UNC45B: variants seen among roughly 807,000 people sequenced by gnomAD.
UNC45B encodes the protein protein unc-45 homolog B.
Under a neutral mutation model 98.7 loss-of-function variants are expected in UNC45B, and 78 were observed. The observed-to-expected ratio is 0.79, with a 90% CI of 0.66 to 0.95. UNC45B has a LOEUF of 0.95. Ranked by LOEUF, UNC45B falls within the 40% of genes least tolerant of loss-of-function variation. UNC45B has a pLI of 0.00. For missense variants in UNC45B, 1,225 were observed against 1,184.9 expected (o/e 1.03, Z -0.50); for synonymous variants, 462 against 480.4 (o/e 0.96, Z 0.50).
chr17:35,171,561 T>A (rs2092187352), intron 13 of UNC45B, 99 bp downstream of exon 13: 1 of 1,449,066 alleles, frequency 6.9e-7, no homozygotes, highest in Admixed American at 2.2e-5. Flanking sequence ...TGGCACGGTG[T>A]GTGTTTGGGT....
At chr17:35,157,237 A>T (rs1487845506) in intron 7 of UNC45B, among the ~76,000 whole-genome samples, 3 of 151,590 alleles carry the variant, frequency 2.0e-5, no homozygotes, top group African/African-American at 4.8e-5. Context: ...TTATTTATTT[A>T]TATTTATTTA....
Position 35,164,051 on chromosome 17 carries a change from C to A in UNC45B, c.1036C>A (p.Pro346Thr), listed in dbSNP as rs571014198. ...GGTTCCAGATCTGCCATCCTGCCTG[C>A]CCCTGACTGACAACACCCGCATGCT... ...GQVPDLPSCL[P>T]LTDNTRMLAS... Residue 346 changes from proline (P) to threonine (T), a missense_variant, in exon 9 of 20, where the codon CCC becomes ACC. Coordinates refer to ENST00000394570, the MANE Select transcript of UNC45B (RefSeq NM_001267052.2). The A allele has an allele frequency of 1.1e-5, 17 of 1,613,980 alleles. No homozygotes were observed. The highest frequency in any genetic ancestry group is 9.3e-5 in the African/African-American group (7 of 74,990).
At chr17:35,159,667 A>G in intron 8 of UNC45B, 122 bp downstream of exon 8, 1 of 1,149,994 alleles carries the variant, frequency 8.7e-7, no homozygotes, top group South Asian at 1.6e-5. Context: ...AAAAGATGAG[A>G]AAAGGCATTG....
At position 35,170,095 on chromosome 17, in the gene UNC45B, G is replaced by A; in HGVS notation, c.1548-19G>A. 1.9e-6 allele frequency: 3 copies of A among 1,604,112 alleles called. No individual in the cohort carries two copies. The Middle Eastern group carries it at 5.0e-4, about 267-fold the overall frequency. ...TAGCCCTGGGCCCCTTCCCATGTGT[G>A]CTCCCTCCTCACTTCCAGGTGGCTG... is the stretch of plus-strand genomic sequence containing the variant. On this transcript the variant is annotated intron_variant, in intron 11 of 19. Transcript: ENST00000394570.
chr17:35,186,478 G>A lies in UNC45B; in HGVS notation c.2709G>A (p.Glu903=). The stretch of plus-strand genomic sequence containing the variant: ...TGGTGGGCAAACAGGAGCCAGATGA[G>A]AAGAAGGCAGAAGTGGTTCAGACAG... The part of the protein sequence containing the change: ...LTVVGKQEPD[E]KKAEVVQTAR... Residue 903 remains glutamate, a synonymous_variant, in exon 20 of 20, where the codon GAG becomes GAA. Transcript: ENST00000394570. 1 of 1,614,150 alleles carries A rather than the reference G, an allele frequency of 6.2e-7. No homozygotes were observed. Among genetic ancestry groups the A allele is most frequent in the South Asian group, 1.1e-5 (1 of 91,084 alleles).
intron 17 of UNC45B, 132 bp from the exon 18 acceptor site, chr17:35,180,427 C>T (rs1453212684): frequency 1.4e-6 from 1 of 700,076 alleles, no homozygotes; most frequent in East Asian, 2.7e-5. Context: ...TGTGATGCCA[C>T]ATAAACCATG....
Position 35,171,466 on chromosome 17 carries a change from G to A in UNC45B, c.1830+4G>A. The A allele has an allele frequency of 6.2e-7, 1 of 1,613,860 alleles. No homozygotes were observed. ...TGTGCCCGAGGAACACCCCAAGGTA[G>A]GGTCAGGCGCGACCCGGGAGGGGTC... is the stretch of plus-strand genomic sequence containing the variant. On this transcript the variant is annotated splice_donor_region_variant and intron_variant, in intron 13 of 19. Coordinates refer to ENST00000394570, the MANE Select transcript of UNC45B (RefSeq NM_001267052.2).
chr17:35,185,975 G>A (rs959480131), intron 19 of UNC45B, among the ~76,000 whole-genome samples: 1 of 152,134 alleles, frequency 6.6e-6, no homozygotes, highest in African/African-American at 2.4e-5. Context: ...TTTGCTTTTG[G>A]TGAAGGTCTT....
chr17:35,183,381 C>A (rs756336919), intron 18 of UNC45B, 46 bp from the exon 19 acceptor site: 7 of 1,463,936 alleles, frequency 4.8e-6, no homozygotes, highest in African/African-American at 1.4e-5. Context: ...TCAGGCTGGG[C>A]AGATTGGGGA....
At chr17:35,170,035 G>T in intron 11 of UNC45B, 79 bp from the exon 12 acceptor site, 2 of 1,603,228 alleles carry the variant, frequency 1.2e-6, no homozygotes, top group Non-Finnish European at 1.7e-6. Flanking sequence ...CTCACCCCTG[G>T]TTCACCACCC....
At chr17:35,150,578 C>T (rs926731698) in intron 4 of UNC45B, among the ~76,000 whole-genome samples, 3 of 152,180 alleles carry the variant, frequency 2.0e-5, no homozygotes, top group South Asian at 2.1e-4. Flanking sequence ...GGGGAAACCC[C>T]GTCTCTACTA....
intron 4 of UNC45B, among the ~76,000 whole-genome samples, chr17:35,151,453 G>T (rs911075980): frequency 2.6e-5 from 4 of 152,156 alleles, no homozygotes; most frequent in East Asian, 1.9e-4. Context: ...GCCTCCCAAA[G>T]TGCTGGGATT....
Position 35,186,394 on chromosome 17 carries a change from A to C in UNC45B, c.2625A>C (p.Ala875=). The change falls in exon 20 of 20, where the codon GCA becomes GCC. Residue 875 remains alanine, a synonymous_variant. Transcript: ENST00000394570. ...TGGTCATTGCCTACAACCTACTGGC[A>C]GCCGATGCTGAGCTGGCCAAGAAGC... ...RGLVIAYNLL[A]ADAELAKKLV... is the part of the protein sequence containing the mutation. The C allele has an allele frequency of 6.2e-7, 1 of 1,614,222 alleles. No homozygotes were observed. The highest frequency in any genetic ancestry group is 1.3e-5 in the African/African-American group (1 of 75,058).
chr17:35,156,324 C>T (rs764662772), intron 7 of UNC45B, among the ~76,000 whole-genome samples: 1 of 152,122 alleles, frequency 6.6e-6, no homozygotes, highest in Non-Finnish European at 1.5e-5. Context: ...CTGAACTGAA[C>T]ACTTAAAAAT....
At chr17:35,176,567 C>T (rs1044252562) in intron 15 of UNC45B, among the ~76,000 whole-genome samples, 2 of 152,126 alleles carry the variant, frequency 1.3e-5, no homozygotes, top group African/African-American at 2.4e-5. Flanking sequence ...GTAATCTCAG[C>T]TACTCAGGAA....
intron 13 of UNC45B, among the ~76,000 whole-genome samples, chr17:35,172,716 G>C (rs926247531): frequency 2.0e-5 from 3 of 152,130 alleles, no homozygotes; most frequent in African/African-American, 7.2e-5. Context: ...TTTAACCCTG[G>C]GTTGACTTTG....
At chr17:35,148,687 G>A (rs113897013) in intron 2 of UNC45B, among the ~76,000 whole-genome samples, 1 of 152,316 alleles carries the variant, frequency 6.6e-6, no homozygotes, top group Admixed American at 6.5e-5. Context: ...TGAGATAGCT[G>A]TTGTTGTCCT....
Position 35,166,111 on chromosome 17 carries a change from A to T in UNC45B, c.1151+1945A>T, listed in dbSNP as rs905757206. ...TAAAAAAAAAAAAAAAAAAAAAAAAATTAAAAATGAGTCAAGTGTGGTGGC... is the reference window on the plus strand; with the variant it reads ...TAAAAAAAAAAAAAAAAAAAAAAAATTTAAAAATGAGTCAAGTGTGGTGGC... On this transcript the variant is annotated intron_variant, in intron 9 of 19. Transcript: ENST00000394570. 1.8e-3 allele frequency among the ~76,000 whole-genome samples: 215 copies of T among 122,240 alleles called. 3 individuals are homozygous for T. Among genetic ancestry groups the T allele is most frequent in the African/African-American group, 6.9e-3 (208 of 30,248 alleles). 80.2% of individuals were successfully genotyped at this position (122,240 alleles called of 152,430 possible).
At position 35,168,361 on chromosome 17, in the gene UNC45B, G is replaced by C; in HGVS notation, c.1452G>C (p.Val484=). ...KNEKIKIRTL[V]GLCKLGSAGG... ...AGAAGATCAAGATCCGCACACTGGTGGTGAGTGGGCTCGGTACCACCCTCC... is the reference window on the plus strand; with the variant it reads ...AGAAGATCAAGATCCGCACACTGGTCGTGAGTGGGCTCGGTACCACCCTCC... Residue 484 remains valine (V), a splice_region_variant and synonymous_variant, in exon 10 of 20, where the codon GTG becomes GTC. Coordinates refer to ENST00000394570, the MANE Select transcript of UNC45B (RefSeq NM_001267052.2). The C allele has an allele frequency of 7.5e-7, 1 of 1,340,968 alleles. No individual in the cohort carries two copies. Among genetic ancestry groups the C allele is most frequent in the Non-Finnish European group, 9.7e-7 (1 of 1,036,032 alleles). 83.1% of individuals were successfully genotyped at this position (1,340,968 alleles called of 1,614,324 possible).
Sources: allele counts gnomAD v4.1 joint callset (sites outside exome capture counted in the v4.1 genomes callset), GRCh38; gene constraint gnomAD v4.1.1; transcripts MANE v1.5; gene names NCBI Gene and HGNC (gene_info 2026-07-23, HGNC 2026-07-21).